ATP8A2: variants seen among roughly 807,000 people sequenced by gnomAD.
ATP8A2 encodes the protein phospholipid-transporting ATPase IB.
Under a neutral mutation model 165.6 loss-of-function variants are expected in ATP8A2, and 100 were observed. The ratio of observed to expected loss-of-function variants is 0.60; its 90% CI spans 0.51 to 0.71. ATP8A2 has a LOEUF of 0.71. Ranked by LOEUF, ATP8A2 falls within the 30% of genes least tolerant of loss-of-function variation. The pLI is 0.00. For missense variants in ATP8A2, 1,227 were observed against 1,479.5 expected (o/e 0.83, Z 2.80); for synonymous variants, 543 against 548.8 (o/e 0.99, Z 0.15).
At chr13:25,662,039 T>C (rs1283525721) in intron 24 of ATP8A2, among the ~76,000 whole-genome samples, 1 of 152,174 alleles carries the variant, frequency 6.6e-6, no homozygotes, top group Admixed American at 6.5e-5. Context: ...TGAATCCTGG[T>C]TCTAGTCCTT....
At chr13:25,757,535 T>A (rs1269087833) in intron 25 of ATP8A2, among the ~76,000 whole-genome samples, 1 of 149,846 alleles carries the variant, frequency 6.7e-6, no homozygotes, top group Non-Finnish European at 1.5e-5. Flanking sequence ...GCACACGCAC[T>A]TAGAAGAGAG....
chr13:25,961,809 A>AT (rs1593633220), intron 34 of ATP8A2, 146 bp downstream of exon 34: 3 of 626,542 alleles, frequency 4.8e-6, no homozygotes, highest in African/African-American at 3.7e-5. Context: ...TGAAAAAAAA[A>AT]TTTTTTTAGT....
intron 24 of ATP8A2, among the ~76,000 whole-genome samples, chr13:25,683,959 A>T (rs943160944): frequency 6.6e-6 from 1 of 152,240 alleles, no homozygotes; most frequent in African/African-American, 2.4e-5. Context: ...CTTAAAGAGA[A>T]TCAAATAGTA....
Position 26,020,447 on chromosome 13 carries a change from G to A in ATP8A2, c.*462G>A, listed in dbSNP as rs1957065743. 6.4e-6 allele frequency: 1 copy of A among 155,238 alleles called. No homozygotes were observed. The highest frequency in any genetic ancestry group is 1.4e-5 in the Non-Finnish European group (1 of 70,154). 9.6% of individuals were successfully genotyped at this position (155,238 alleles called of 1,614,324 possible). A position where few individuals can be genotyped will look rare whatever the true frequency, so the allele number is the denominator to read the frequency against. ...GGGCCACATGCAGACTTCACTGTAG[G>A]CAGGTTGCTCTCCTGCTTTGATTCC... On this transcript the variant is annotated 3_prime_UTR_variant, in exon 37 of 37. Coordinates refer to ENST00000381655, the MANE Select transcript of ATP8A2 (RefSeq NM_016529.6).
intron 24 of ATP8A2, among the ~76,000 whole-genome samples, chr13:25,619,965 C>G (rs938807656): frequency 2.6e-5 from 4 of 152,022 alleles, no homozygotes; most frequent in African/African-American, 9.7e-5. Context: ...AGAGGAGTCA[C>G]GAGAAAACCC....
intron 24 of ATP8A2, among the ~76,000 whole-genome samples, chr13:25,658,894 C>A (rs1160696572): frequency 6.6e-6 from 1 of 152,194 alleles, no homozygotes; most frequent in African/African-American, 2.4e-5. Context: ...TAAACTCAAC[C>A]TGGTACTACT....
chr13:25,490,732 TTTTTGTTTG>T (rs1386131916), intron 2 of ATP8A2, among the ~76,000 whole-genome samples: 37 of 147,218 alleles, frequency 2.5e-4, no homozygotes, highest in African/African-American at 8.8e-4. Flanking sequence ...TTTTGTTTTT[TTTTTGTTTG>T]TTTGTTTGTT....
At chr13:25,492,671 G>A (rs1037129424) in intron 2 of ATP8A2, among the ~76,000 whole-genome samples, 16 of 152,198 alleles carry the variant, frequency 1.1e-4, no homozygotes, top group Non-Finnish European at 2.2e-4. Flanking sequence ...TGTGTGAAGG[G>A]AAGGGCTTTA....
At chr13:25,670,806 A>G (rs17082627) in intron 24 of ATP8A2, among the ~76,000 whole-genome samples, 5,321 of 152,308 alleles carry the variant, frequency 0.035, 156 homozygotes, top group East Asian at 0.13. Context: ...GGCTTTACCT[A>G]GAGTCACAAC....
At chr13:25,996,610 C>T (rs781263498) in intron 35 of ATP8A2, among the ~76,000 whole-genome samples, 8 of 151,920 alleles carry the variant, frequency 5.3e-5, no homozygotes, top group East Asian at 1.9e-4. Flanking sequence ...CTGCAACCTC[C>T]GCACTCTGGC....
At chr13:25,479,595 G>A (rs1444305135) in intron 2 of ATP8A2, among the ~76,000 whole-genome samples, 1 of 151,968 alleles carries the variant, frequency 6.6e-6, no homozygotes, top group Non-Finnish European at 1.5e-5. Context: ...AGATAAACAA[G>A]TGAACAAAGG....
chr13:25,482,362 G>T (rs2036230601), intron 2 of ATP8A2, among the ~76,000 whole-genome samples: 1 of 152,144 alleles, frequency 6.6e-6, no homozygotes, highest in Non-Finnish European at 1.5e-5. Context: ...AAGAATTGGG[G>T]GTGCGTGGTT....
intron 35 of ATP8A2, among the ~76,000 whole-genome samples, chr13:25,972,577 C>T (rs1201883061): frequency 1.3e-5 from 2 of 152,158 alleles, no homozygotes; most frequent in African/African-American, 4.8e-5. Context: ...TACCTTTTCC[C>T]AAACTGTCTT....
intron 28 of ATP8A2, among the ~76,000 whole-genome samples, chr13:25,831,593 G>A (rs575622879): frequency 1.3e-5 from 2 of 152,134 alleles, no homozygotes; most frequent in Admixed American, 1.3e-4. Context: ...CTATAATCCC[G>A]GCACTTTGGG....
Position 25,561,413 on chromosome 13 carries a change from C to G in ATP8A2, c.1397+1648C>G, listed in dbSNP as rs369239674. ...CTGGTATTTTTTTCACCTTGATCTT[C>G]TATCCTTCGTCATGAGTTTTCTGTG... On this transcript the variant is annotated intron_variant, in intron 15 of 36. Coordinates refer to ENST00000381655, the MANE Select transcript of ATP8A2 (RefSeq NM_016529.6). 2.7e-4 allele frequency among the ~76,000 whole-genome samples: 41 copies of G among 152,090 alleles called. 1 individual carries two copies. The East Asian group carries it at 6.8e-3, about 25-fold the overall frequency.
chr13:25,378,631 T>C (rs2032724756), intron 1 of ATP8A2, among the ~76,000 whole-genome samples: 1 of 152,216 alleles, frequency 6.6e-6, no homozygotes, highest in Non-Finnish European at 1.5e-5. Context: ...CATGTTTTTT[T>C]CTTTTTAGCA....
At chr13:25,862,499 G>A (rs2138766670) in intron 33 of ATP8A2, 91 bp downstream of exon 33, 1 of 969,714 alleles carries the variant, frequency 1.0e-6, no homozygotes, top group Non-Finnish European at 1.6e-6. Context: ...GTGTCTTACA[G>A]CCACGATGAG....
At chr13:25,547,972 C>T (rs1295447747) in intron 10 of ATP8A2, among the ~76,000 whole-genome samples, 2 of 152,096 alleles carry the variant, frequency 1.3e-5, no homozygotes, top group East Asian at 1.9e-4. Flanking sequence ...ACCTGTAATC[C>T]TAGCACATTG....
At chr13:25,898,318 G>A (rs2138935487) in intron 33 of ATP8A2, among the ~76,000 whole-genome samples, 1 of 152,336 alleles carries the variant, frequency 6.6e-6, no homozygotes. Flanking sequence ...CTACGTATCA[G>A]CAGCGGTGGC....
Sources: allele counts gnomAD v4.1 joint callset (sites outside exome capture counted in the v4.1 genomes callset), GRCh38; gene constraint gnomAD v4.1.1; transcripts MANE v1.5; gene names NCBI Gene and HGNC (gene_info 2026-07-23, HGNC 2026-07-21).